The following VPS50 variants were observed in gnomAD, a reference collection of about 807,000 sequenced individuals.
The protein encoded by VPS50 is VPS50 subunit of EARP/GARPII complex.
A neutral mutation model predicts 139.7 loss-of-function variants in VPS50; 70 were observed. That is an observed-to-expected ratio of 0.50 (90% confidence interval 0.41 to 0.61). VPS50 has a LOEUF of 0.61. VPS50 is among the 20% of genes least tolerant of loss of function. The pLI is 0.00. For synonymous variants in VPS50, 365 were observed against 376.7 expected, an observed-to-expected ratio of 0.97 and a Z score of 0.36; for missense variants, 921 against 1,133.7, an observed-to-expected ratio of 0.81 and a Z score of 2.69.
At chr7:93,240,687 G>A (rs1200253038) in intron 2 of VPS50, among the ~76,000 whole-genome samples, 1 of 152,058 alleles carries the variant, frequency 6.6e-6, no homozygotes, top group Non-Finnish European at 1.5e-5. Context: ...AGAGTGATAC[G>A]TGAAAATACT....
chr7:93,333,000 G>C (rs937836003), intron 21 of VPS50, among the ~76,000 whole-genome samples: 3 of 152,134 alleles, frequency 2.0e-5, no homozygotes, highest in Admixed American at 6.6e-5. Context: ...ACATTTTTAA[G>C]GGGGAGGGAA....
intron 4 of VPS50, among the ~76,000 whole-genome samples, 168 bp downstream of exon 4, chr7:93,254,099 C>T (rs1006641812): frequency 6.6e-5 from 10 of 152,160 alleles, no homozygotes; most frequent in Non-Finnish European, 1.0e-4. Context: ...AAATTTAATG[C>T]GTATGGTTTT....
At chr7:93,333,844 C>A in intron 21 of VPS50, 1 of 365,706 alleles carries the variant, frequency 2.7e-6, no homozygotes, top group Non-Finnish European at 4.9e-6. Flanking sequence ...AATAATGACT[C>A]GCGAGAAAGA....
intron 12 of VPS50, among the ~76,000 whole-genome samples, chr7:93,286,295 T>C (rs554309586): frequency 9.8e-5 from 15 of 152,336 alleles, no homozygotes; most frequent in African/African-American, 3.6e-4. Flanking sequence ...CTATTTTCCA[T>C]ATGTGATGTG....
chr7:93,308,693 C>T (rs181381458), intron 18 of VPS50, 131 bp from the exon 19 acceptor site: 6 of 440,530 alleles, frequency 1.4e-5, no homozygotes, highest in South Asian at 4.5e-5. Flanking sequence ...TTGGTGACAA[C>T]ATTAAAGCTA....
intron 2 of VPS50, among the ~76,000 whole-genome samples, chr7:93,243,019 A>G (rs887176928): frequency 2.6e-5 from 4 of 151,938 alleles, no homozygotes; most frequent in Non-Finnish European, 5.9e-5. Context: ...TTTTAGAACT[A>G]TATAAATTCA....
intron 22 of VPS50, among the ~76,000 whole-genome samples, chr7:93,334,722 C>A (rs1426953250): frequency 1.3e-5 from 2 of 152,052 alleles, no homozygotes; most frequent in East Asian, 1.9e-4. Context: ...TAGTAGGGAG[C>A]CTGGTTCTTG....
chr7:93,281,723 A>T (rs1796332411), intron 12 of VPS50, among the ~76,000 whole-genome samples: 1 of 152,212 alleles, frequency 6.6e-6, no homozygotes, highest in Admixed American at 6.5e-5. Flanking sequence ...TTCTCTTAAA[A>T]ATATGCATAT....
At chr7:93,299,992 T>C (rs1346565234) in intron 16 of VPS50, among the ~76,000 whole-genome samples, 2 of 152,128 alleles carry the variant, frequency 1.3e-5, no homozygotes, top group African/African-American at 4.8e-5. Flanking sequence ...AATCAAAGCT[T>C]ATAAAATGTT....
chr7:93,330,682 A>T (rs986995459), intron 21 of VPS50, among the ~76,000 whole-genome samples: 28 of 134,720 alleles, frequency 2.1e-4, no homozygotes, highest in African/African-American at 6.1e-4. Flanking sequence ...TGAGCCCTGG[A>T]GGTCGAGGCT....
chr7:93,346,360 G>T (rs1450778036), intron 23 of VPS50, among the ~76,000 whole-genome samples: 1 of 152,144 alleles, frequency 6.6e-6, no homozygotes, highest in Non-Finnish European at 1.5e-5. Flanking sequence ...CCATGCTCAT[G>T]GGTAGGAAGA....
intron 13 of VPS50, 118 bp downstream of exon 13, chr7:93,291,953 A>G (rs1796659842): frequency 1.6e-6 from 1 of 616,438 alleles, no homozygotes; most frequent in Non-Finnish European, 2.7e-6. Flanking sequence ...TACAGTGACC[A>G]TAGGCTAAAT....
chr7:93,311,007 T>G (rs971509510), intron 19 of VPS50, among the ~76,000 whole-genome samples, 159 bp from the exon 20 acceptor site: 2 of 152,132 alleles, frequency 1.3e-5, no homozygotes, highest in African/African-American at 4.8e-5. Context: ...CCCTTATGGA[T>G]TGTAAATTTT....
intron 1 of VPS50, among the ~76,000 whole-genome samples, chr7:93,233,063 T>C (rs1584365432): frequency 6.6e-6 from 1 of 152,266 alleles, no homozygotes; most frequent in Non-Finnish European, 1.5e-5. Context: ...TGAAAACTCT[T>C]TGTGAAATTC....
At position 93,348,929 on chromosome 7, in the gene VPS50, A is replaced by G. The variant is rs968624364; in HGVS notation, c.2304+122A>G. The G allele has an allele frequency of 6.3e-6, 4 of 639,862 alleles. No homozygotes were observed. In the Admixed American group the frequency reaches 1.1e-4, roughly 18 times the overall value. The allele number at this position is 639,862 out of a possible 1,614,324, so 39.6% of individuals were successfully genotyped here. Reference sequence around the variant, plus strand: ...TCTTGAAACCCCAGGAGAGCCAGATAAAATATTCATTTATTCACTCATGAA... The same window carrying G: ...TCTTGAAACCCCAGGAGAGCCAGATGAAATATTCATTTATTCACTCATGAA... On this transcript the variant is annotated intron_variant, in intron 24 of 27. Coordinates refer to ENST00000305866, the MANE Select transcript of VPS50 (RefSeq NM_017667.4).
At chr7:93,352,423 T>C (rs78907556) in intron 25 of VPS50, among the ~76,000 whole-genome samples, 2,773 of 152,184 alleles carry the variant, frequency 0.018, 90 homozygotes, top group African/African-American at 0.063. Flanking sequence ...GCAAGAAAAA[T>C]TGTGATTTAG....
intron 22 of VPS50, among the ~76,000 whole-genome samples, chr7:93,337,958 T>C (rs529621216): frequency 6.6e-6 from 1 of 152,286 alleles, no homozygotes; most frequent in African/African-American, 2.4e-5. Context: ...TTTTCTGTTA[T>C]TTATATTTCT....
intron 9 of VPS50, among the ~76,000 whole-genome samples, chr7:93,270,366 A>G (rs947267135): frequency 7.2e-5 from 11 of 152,028 alleles, no homozygotes; most frequent in Admixed American, 2.6e-4. Flanking sequence ...TTGCTTGTTT[A>G]GAACTTTAAA....
intron 12 of VPS50, among the ~76,000 whole-genome samples, chr7:93,289,433 A>T (rs1554367003): frequency 6.6e-6 from 1 of 151,910 alleles, no homozygotes; most frequent in Admixed American, 6.6e-5. Context: ...CTTTATTGTG[A>T]ATATATGTTG....
Sources: allele counts gnomAD v4.1 joint callset (sites outside exome capture counted in the v4.1 genomes callset), GRCh38; gene constraint gnomAD v4.1.1; transcripts MANE v1.5; gene names NCBI Gene and HGNC (gene_info 2026-07-23, HGNC 2026-07-21).